Variants in SAMD3 observed in about 807,000 individuals in gnomAD.
SAMD3 encodes the protein sterile alpha motif domain containing 3, also known as sterile alpha motif domain-containing protein 3.
Under a neutral mutation model 58.5 loss-of-function variants are expected in SAMD3, and 63 were observed. That is an observed-to-expected ratio of 1.08 (90% CI 0.88 to 1.33). SAMD3 has a LOEUF of 1.33. Among genes scored for constraint, SAMD3 ranks in the 40% most tolerant of loss-of-function variants. SAMD3 has a pLI of 0.00. For synonymous variants in SAMD3, 220 were observed against 210.3 expected (o/e 1.05, Z -0.40); for missense variants, 604 against 608.4 (o/e 0.99, Z 0.08).
intron 2 of SAMD3, among the ~76,000 whole-genome samples, chr6:130,298,066 C>T (rs1775628550): frequency 6.6e-6 from 1 of 152,082 alleles, no homozygotes; most frequent in Non-Finnish European, 1.5e-5. Context: ...ATGACCATTC[C>T]TGAGGTACAG....
chr6:130,296,207 C>T (rs998327864), intron 2 of SAMD3, among the ~76,000 whole-genome samples: 1 of 152,146 alleles, frequency 6.6e-6, no homozygotes, highest in Non-Finnish European at 1.5e-5. Context: ...TGTCAGTTCT[C>T]CTCAGAAAGA....
intron 5 of SAMD3, among the ~76,000 whole-genome samples, chr6:130,186,240 G>T (rs1009981738): frequency 6.6e-6 from 1 of 152,008 alleles, no homozygotes; most frequent in African/African-American, 2.4e-5. Flanking sequence ...GATGACCATG[G>T]AACCTTTAGT....
At chr6:130,319,898 T>C (rs556209545) in intron 1 of SAMD3, among the ~76,000 whole-genome samples, 104 of 152,118 alleles carry the variant, frequency 6.8e-4, no homozygotes, top group African/African-American at 2.4e-3. Flanking sequence ...TTAGAAATAA[T>C]TGTAGACCTG....
At chr6:130,332,728 T>G (rs1329078759) in intron 1 of SAMD3, among the ~76,000 whole-genome samples, 5 of 152,074 alleles carry the variant, frequency 3.3e-5, no homozygotes, top group Non-Finnish European at 7.4e-5. Context: ...AATGTTCAGA[T>G]TTTTAGAAAG....
At chr6:130,153,666 T>TATATATATATATATATATACATATA (rs58896049) in intron 9 of SAMD3, among the ~76,000 whole-genome samples, 1 of 91,156 alleles carries the variant, frequency 1.1e-5, no homozygotes, top group Non-Finnish European at 2.3e-5. Context: ...ATATATATAT[T>TATATATATATATATATATACATATA]TATTTATTTA....
Position 130,237,587 on chromosome 6 carries a change from G to A in SAMD3, c.-187-14774C>T, listed in dbSNP as rs138929826. ...TAATAATTAATTAATAATGGTTGTC[G>A]TTATTGATTGCTGGATACTTCAAAT... On this transcript the variant is annotated intron_variant, in intron 2 of 13. Transcript: ENST00000368134. Among the ~76,000 whole-genome samples, 549 of 151,960 alleles carry A rather than the reference G, an allele frequency of 3.6e-3. 4 individuals are homozygous for A. Among genetic ancestry groups the A allele is most frequent in the African/African-American group, 0.012 (511 of 41,438 alleles).
intron 7 of SAMD3, among the ~76,000 whole-genome samples, chr6:130,182,298 A>G (rs1792427077): frequency 6.6e-6 from 1 of 151,942 alleles, no homozygotes; most frequent in South Asian, 2.1e-4. Context: ...TTTCTTCTGT[A>G]GTGCACTTTA....
chr6:130,272,703 C>T (rs4460227), intron 2 of SAMD3, among the ~76,000 whole-genome samples: 47,257 of 151,972 alleles, frequency 0.31, 7,721 homozygotes, highest in East Asian at 0.47. Flanking sequence ...ATCTCAACTT[C>T]TCAAATTTTT....
At chr6:130,358,343 T>C (rs189458320) in intron 1 of SAMD3, among the ~76,000 whole-genome samples, 27 of 152,368 alleles carry the variant, frequency 1.8e-4, no homozygotes, top group Admixed American at 9.1e-4. Context: ...CTTTCAATTC[T>C]GATTGCAGAT....
rs530994444 is a variant in SAMD3 at position 130,344,130 on chromosome 6, G to C, written c.-304+20990C>G. ...TTACCAACTTATTTATTTTATTATA[G>C]AGTAACAAACGTTCACTGCAGAAAA... On this transcript the variant is annotated intron_variant, in intron 1 of 13. Transcript: ENST00000368134. Among the ~76,000 whole-genome samples the C allele has an allele frequency of 9.8e-4, 149 of 152,152 alleles. 1 individual carries two copies. The highest frequency in any genetic ancestry group is 3.3e-3 in the African/African-American group (135 of 41,514).
chr6:130,231,865 A>T (rs1796558769), intron 2 of SAMD3, among the ~76,000 whole-genome samples: 1 of 152,180 alleles, frequency 6.6e-6, no homozygotes. Context: ...ATGATCCTAA[A>T]TAGCATAAAC....
At position 130,359,154 on chromosome 6, in the gene SAMD3, A is replaced by G. The variant is rs1481367557; in HGVS notation, c.-304+5966T>C. Among the ~76,000 whole-genome samples, 4 of 152,260 alleles carry G rather than the reference A, an allele frequency of 2.6e-5. No homozygotes were observed. In the East Asian group the frequency reaches 7.7e-4, roughly 29 times the overall value. On this transcript the variant is annotated intron_variant, in intron 1 of 13. Transcript: ENST00000368134. ...AAGAGTTAATAGTTATAAAATGCTT[A>G]GAATAGTGCCCATTTCATAGTAAGT...
In SAMD3 at chr6:130,176,636, C is replaced by A. The variant is rs150901845; in HGVS notation, c.655-628G>T. Among the ~76,000 whole-genome samples, 47 of 152,280 alleles carry A rather than the reference C, an allele frequency of 3.1e-4. No individual in the cohort carries two copies. In the East Asian group the frequency reaches 9.1e-3, roughly 29 times the overall value. The stretch of plus-strand genomic sequence containing the variant: ...AGTATTATAATAGGGGAAGATACAT[C>A]ATTCATTTACATTGTGTTAGGAGAT... On this transcript the variant is annotated intron_variant, in intron 7 of 11. Coordinates refer to ENST00000439090, the MANE Select transcript of SAMD3 (RefSeq NM_001017373.4).
Position 130,203,133 on chromosome 6 carries a change from C to T in SAMD3, c.383+6362G>A, listed in dbSNP as rs558743846. Among the ~76,000 whole-genome samples, 4 of 152,308 alleles carry T rather than the reference C, an allele frequency of 2.6e-5. No homozygotes were observed. The East Asian group carries it at 7.7e-4, about 29-fold the overall frequency. On this transcript the variant is annotated intron_variant, in intron 5 of 11. Transcript: ENST00000439090. Reference sequence around the variant, plus strand: ...TCCAGACACTGCTGGCCTACCTGCACTTCCTAGAGCTGCTTCCGCTTTGGG... The same window carrying T: ...TCCAGACACTGCTGGCCTACCTGCATTTCCTAGAGCTGCTTCCGCTTTGGG...
chr6:130,158,542 A>C (rs192538094), intron 8 of SAMD3, among the ~76,000 whole-genome samples: 188 of 152,324 alleles, frequency 1.2e-3, no homozygotes, highest in African/African-American at 4.4e-3. Context: ...AACTTAAAAA[A>C]ATTTAAAGAA....
upstream of SAMD3, among the ~76,000 whole-genome samples, chr6:130,225,159 G>A (rs1796353970): frequency 6.6e-6 from 1 of 152,156 alleles, no homozygotes; most frequent in Admixed American, 6.5e-5. Flanking sequence ...AAAAAATAAT[G>A]TTACTGAAAC....
At chr6:130,227,548 G>C (rs1053287165), upstream of SAMD3, among the ~76,000 whole-genome samples, 1 of 152,268 alleles carries the variant, frequency 6.6e-6, no homozygotes. Context: ...AGAACTTTGA[G>C]AGGCCAAGGT....
intron 2 of SAMD3, among the ~76,000 whole-genome samples, chr6:130,278,902 C>T (rs567405604): frequency 8.5e-5 from 13 of 152,212 alleles, no homozygotes; most frequent in South Asian, 4.2e-4. Context: ...GTTACATAGA[C>T]GGTGGGGAGA....
intron 5 of SAMD3, among the ~76,000 whole-genome samples, chr6:130,189,985 A>G (rs1793377027): frequency 1.3e-5 from 2 of 152,288 alleles, no homozygotes; most frequent in East Asian, 3.9e-4. Context: ...CTGGACTCAA[A>G]GACTTGGGGG....
Sources: allele counts gnomAD v4.1 joint callset (sites outside exome capture counted in the v4.1 genomes callset), GRCh38; gene constraint gnomAD v4.1.1; transcripts MANE v1.5; gene names NCBI Gene and HGNC (gene_info 2026-07-23, HGNC 2026-07-21).